Variants in HPSE2 observed in about 807,000 individuals in gnomAD.
HPSE2 encodes heparanase 2 (inactive).
A neutral mutation model predicts 60.5 loss-of-function variants in HPSE2; 38 were observed. The ratio of observed to expected loss-of-function variants is 0.63; its 90% CI spans 0.48 to 0.82. The LOEUF (loss-of-function observed/expected upper bound fraction) is 0.82. HPSE2 is among the 40% of genes least tolerant of loss of function. The probability of loss-of-function intolerance (pLI) is 0.00; values close to 1 mark genes in which losing one functional copy is unlikely to be tolerated. For synonymous variants in HPSE2, 295 were observed against 293.2 expected (o/e 1.01, Z -0.06); for missense variants, 713 against 740.4 (o/e 0.96, Z 0.43).
intron 2 of HPSE2, among the ~76,000 whole-genome samples, chr10:99,156,376 G>A (rs1846561200): frequency 1.4e-5 from 2 of 143,086 alleles, no homozygotes; most frequent in African/African-American, 5.0e-5. Flanking sequence ...AACGAATCCA[G>A]CAGCACATCA....
intron 3 of HPSE2, among the ~76,000 whole-genome samples, chr10:98,836,504 A>C (rs1453685036): frequency 6.6e-6 from 1 of 151,320 alleles, no homozygotes; most frequent in Non-Finnish European, 1.5e-5. Context: ...CATGAATCTA[A>C]CAAGCTTTAA....
chr10:98,973,348 CTAGA>C (rs2135273949), intron 3 of HPSE2, among the ~76,000 whole-genome samples: 1 of 152,264 alleles, frequency 6.6e-6, no homozygotes, highest in Admixed American at 6.5e-5. Flanking sequence ...AATCTTCTGT[CTAGA>C]TAAACTACAA....
At chr10:98,638,953 C>CA (rs1286676240) in intron 7 of HPSE2, among the ~76,000 whole-genome samples, 3 of 152,152 alleles carry the variant, frequency 2.0e-5, no homozygotes, top group Non-Finnish European at 2.9e-5. Context: ...TCATATTTTC[C>CA]AAAAATGACT....
chr10:98,479,411 G>A (rs1046328674), intron 11 of HPSE2, among the ~76,000 whole-genome samples: 2 of 152,164 alleles, frequency 1.3e-5, no homozygotes, highest in Non-Finnish European at 2.9e-5. Flanking sequence ...AGACACCAAA[G>A]GCTGAAATCA....
intron 6 of HPSE2, among the ~76,000 whole-genome samples, chr10:98,672,580 A>C (rs1171284186): frequency 6.6e-6 from 1 of 152,208 alleles, no homozygotes; most frequent in Non-Finnish European, 1.5e-5. Flanking sequence ...AGATGGGATA[A>C]GAGTGCTTGG....
chr10:99,181,012 C>T (rs554245251), intron 2 of HPSE2, among the ~76,000 whole-genome samples: 26 of 151,380 alleles, frequency 1.7e-4, no homozygotes, highest in South Asian at 8.3e-4. Context: ...GACAGTGTGA[C>T]GATTCTTCAA....
chr10:99,122,382 T>A (rs1306415462), intron 3 of HPSE2, among the ~76,000 whole-genome samples: 2 of 151,862 alleles, frequency 1.3e-5, no homozygotes, highest in Admixed American at 6.6e-5. Flanking sequence ...CGGTAAAAAT[T>A]TAGAAAAAAG....
chr10:99,254,814 C>A, the HPSE2 span, among the ~76,000 whole-genome samples: 1 of 152,012 alleles, frequency 6.6e-6, no homozygotes, highest in Non-Finnish European at 1.5e-5. Context: ...ATGTCAGTCA[C>A]AAAAGACCAC....
At chr10:98,696,247 G>C (rs1160564656) in intron 5 of HPSE2, among the ~76,000 whole-genome samples, 1 of 149,762 alleles carries the variant, frequency 6.7e-6, no homozygotes, top group African/African-American at 2.5e-5. Context: ...TGTAGGGACA[G>C]GGCCAAGATA....
chr10:99,069,739 A>G (rs557243802), intron 3 of HPSE2, among the ~76,000 whole-genome samples: 1 of 151,854 alleles, frequency 6.6e-6, no homozygotes, highest in Non-Finnish European at 1.5e-5. Context: ...CTTAGTACTC[A>G]GTGTTTTCAT....
chr10:98,839,483 TATTAA>T (rs1951863147), intron 3 of HPSE2, among the ~76,000 whole-genome samples: 1 of 152,174 alleles, frequency 6.6e-6, no homozygotes, highest in African/African-American at 2.4e-5. Flanking sequence ...TAAGACAACA[TATTAA>T]ATTAAAGAAA....
chr10:98,750,228 T>C (rs1490456081), intron 3 of HPSE2, among the ~76,000 whole-genome samples: 1 of 152,070 alleles, frequency 6.6e-6, no homozygotes, highest in Non-Finnish European at 1.5e-5. Context: ...CCAAGACTCA[T>C]GTGAGACTGA....
At chr10:98,511,158 G>GTT (rs1380570652) in intron 9 of HPSE2, among the ~76,000 whole-genome samples, 2 of 141,172 alleles carry the variant, frequency 1.4e-5, no homozygotes, top group Non-Finnish European at 3.1e-5. Context: ...TTTGTTTTTT[G>GTT]TTTTTTTTTT....
intron 2 of HPSE2, among the ~76,000 whole-genome samples, chr10:99,227,849 A>ATG (rs1281013614): frequency 1.4e-5 from 2 of 143,204 alleles, no homozygotes; most frequent in Non-Finnish European, 3.0e-5. Context: ...ATATATATAT[A>ATG]TAAAGTTGAA....
At chr10:98,978,100 G>C (rs937292843) in intron 3 of HPSE2, among the ~76,000 whole-genome samples, 1 of 151,924 alleles carries the variant, frequency 6.6e-6, no homozygotes, top group Non-Finnish European at 1.5e-5. Context: ...TTTGAAACAC[G>C]CTTAATTCCA....
intron 7 of HPSE2, among the ~76,000 whole-genome samples, chr10:98,627,339 G>C (rs911095133): frequency 6.6e-6 from 1 of 152,118 alleles, no homozygotes; most frequent in African/African-American, 2.4e-5. Flanking sequence ...AGCCAATCAT[G>C]GTGGCTTGTG....
chr10:98,939,638 T>C (rs1200527938), intron 3 of HPSE2, among the ~76,000 whole-genome samples: 3 of 142,546 alleles, frequency 2.1e-5, no homozygotes, highest in African/African-American at 8.7e-5. Context: ...TAATGGGAGA[T>C]TTTAACACCC....
At chr10:98,471,112 G>A (rs1329569897) in intron 11 of HPSE2, among the ~76,000 whole-genome samples, 1 of 152,172 alleles carries the variant, frequency 6.6e-6, no homozygotes, top group Non-Finnish European at 1.5e-5. Flanking sequence ...ACTCCCAGGG[G>A]CTCATGGCAT....
rs566742948 is a variant in HPSE2, at chr10:98,984,776, C to T, written c.610+159462G>A. ...TAGAGGAATGGCTAACTAGAATAAT[C>T]AATGCAGAGAAGTCCTTAAAGGACC... On this transcript the variant is annotated intron_variant, in intron 3 of 11. Transcript: ENST00000370552. Among the ~76,000 whole-genome samples, 7 of 152,294 alleles carry T rather than the reference C, an allele frequency of 4.6e-5. No homozygotes were observed. The East Asian group carries it at 1.4e-3, about 29-fold the overall frequency.
Sources: gnomAD v4.1 joint callset for allele counts (sites outside exome capture counted in the v4.1 genomes callset) on GRCh38, gnomAD v4.1.1 for gene constraint, MANE v1.5 for transcripts, NCBI Gene and HGNC (gene_info 2026-07-23, HGNC 2026-07-21) for gene names.